The following CAST variants were observed in gnomAD, a reference collection of about 807,000 sequenced individuals.
CAST encodes calpastatin, also known as MIR583 host.
A neutral mutation model predicts 119.6 loss-of-function variants in CAST; 76 were observed. The observed-to-expected ratio is 0.64, with a 90% CI of 0.53 to 0.77. The LOEUF (loss-of-function observed/expected upper bound fraction) is 0.77. CAST is among the 30% of genes least tolerant of loss of function. The probability of loss-of-function intolerance (pLI) is 0.00; values close to 1 mark genes in which losing one functional copy is unlikely to be tolerated. For synonymous variants in CAST, 319 were observed against 331.6 expected, an observed-to-expected ratio of 0.96 and a Z score of 0.41; for missense variants, 953 against 946.5, an observed-to-expected ratio of 1.01 and a Z score of -0.09.
At chr5:96,299,111 G>A in the CAST span, among the ~76,000 whole-genome samples, 1 of 151,934 alleles carries the variant, frequency 6.6e-6, no homozygotes, top group African/African-American at 2.4e-5. Context: ...TGGGCGTGGT[G>A]GTGGGCACCT....
chr5:96,150,419 T>G, the CAST span, among the ~76,000 whole-genome samples: 4 of 152,164 alleles, frequency 2.6e-5, no homozygotes, highest in African/African-American at 7.2e-5. Flanking sequence ...TTCCCCTCAC[T>G]GCAGGGAGGA....
At chr5:96,209,597 A>G in the CAST span, among the ~76,000 whole-genome samples, 1 of 151,866 alleles carries the variant, frequency 6.6e-6, no homozygotes, top group Non-Finnish European at 1.5e-5. Context: ...TGGATATGAA[A>G]TTTTTTATTG....
At chr5:96,228,868 T>C in the CAST span, among the ~76,000 whole-genome samples, 1 of 152,152 alleles carries the variant, frequency 6.6e-6, no homozygotes, top group African/African-American at 2.4e-5. Context: ...TAAAGAGTAA[T>C]AATAAAATAT....
At chr5:96,003,263 G>A in the CAST span, among the ~76,000 whole-genome samples, 2 of 150,970 alleles carry the variant, frequency 1.3e-5, no homozygotes, top group Non-Finnish European at 3.0e-5. Flanking sequence ...ATTTTGACCA[G>A]GTGCGGTGGC....
chr5:96,068,593 ATGTG>A, the CAST span, among the ~76,000 whole-genome samples: 5,257 of 142,204 alleles, frequency 0.037, 170 homozygotes, highest in East Asian at 0.14. Flanking sequence ...CAATAGGATT[ATGTG>A]TGTGTGTGTG....
chr5:95,961,900 C>T, the CAST span: 14 of 758,972 alleles, frequency 1.8e-5, no homozygotes, highest in South Asian at 1.4e-4. Context: ...GCCCCACCCT[C>T]CGGCCCCGCG....
chr5:96,593,283 C>T (rs1337593142), intron 1 of CAST, among the ~76,000 whole-genome samples: 2 of 152,196 alleles, frequency 1.3e-5, no homozygotes, highest in Non-Finnish European at 2.9e-5. Context: ...CCAGCGTCAC[C>T]TCCTGTAGAA....
At chr5:96,039,355 T>C in the CAST span, among the ~76,000 whole-genome samples, 13 of 152,240 alleles carry the variant, frequency 8.5e-5, no homozygotes, top group South Asian at 2.1e-4. Flanking sequence ...TTTCTTTTGC[T>C]ATGCAGAAGC....
At chr5:96,155,070 G>T in the CAST span, among the ~76,000 whole-genome samples, 1 of 152,076 alleles carries the variant, frequency 6.6e-6, no homozygotes, top group Non-Finnish European at 1.5e-5. Context: ...CAAGGGTCAG[G>T]TTTTGCTGCC....
chr5:96,757,337 G>A, intron 22 of CAST, 107 bp from the exon 23 acceptor site: 2 of 994,752 alleles, frequency 2.0e-6, no homozygotes, highest in Non-Finnish European at 1.6e-6. Context: ...AATTTAAAAT[G>A]TACAACAGCA....
intron 1 of CAST, among the ~76,000 whole-genome samples, chr5:96,552,376 C>T (rs889175171): frequency 6.6e-6 from 1 of 152,106 alleles, no homozygotes; most frequent in African/African-American, 2.4e-5. Context: ...CCAATGAGAA[C>T]AAAGATACAA....
At chr5:96,315,428 A>T in the CAST span, among the ~76,000 whole-genome samples, 4 of 152,230 alleles carry the variant, frequency 2.6e-5, no homozygotes, top group South Asian at 2.1e-4. Context: ...TATAGTGAAC[A>T]ATGTGAGGCC....
At chr5:96,483,079 A>T in the CAST span, among the ~76,000 whole-genome samples, 2 of 152,200 alleles carry the variant, frequency 1.3e-5, no homozygotes, top group African/African-American at 4.8e-5. Flanking sequence ...TTTAATAACA[A>T]GTAGAAGAAA....
In CAST at chr5:96,773,648, G is replaced by C. The variant is rs1773243135; in HGVS notation, c.*1032G>C. ...AAACCTGCATTTCTCCCACAGCAAT[G>C]TAAGAAGTAGGCTCTGATGTCCTAC... is the stretch of plus-strand genomic sequence containing the variant. On this transcript the variant is annotated 3_prime_UTR_variant, in exon 32 of 32. Coordinates refer to ENST00000675179, the MANE Select transcript of CAST (RefSeq NM_001750.7). The C allele has an allele frequency of 6.6e-6, 1 of 152,102 alleles. No homozygotes were observed. Among genetic ancestry groups the C allele is most frequent in the Non-Finnish European group, 1.5e-5 (1 of 68,018 alleles). 9.4% of individuals were successfully genotyped at this position (152,102 alleles called of 1,614,324 possible).
the CAST span, among the ~76,000 whole-genome samples, chr5:96,084,419 G>T: frequency 6.6e-6 from 1 of 152,190 alleles, no homozygotes; most frequent in African/African-American, 2.4e-5. Flanking sequence ...TGTGGAGTGG[G>T]TTAGTAGAGA....
At chr5:96,034,521 A>G in the CAST span, among the ~76,000 whole-genome samples, 4 of 117,036 alleles carry the variant, frequency 3.4e-5, no homozygotes, top group Non-Finnish European at 7.7e-5. Flanking sequence ...GTGTGTGTGT[A>G]TGCATCCATT....
At chr5:96,248,483 A>G in the CAST span, among the ~76,000 whole-genome samples, 2 of 152,354 alleles carry the variant, frequency 1.3e-5, no homozygotes, top group African/African-American at 4.8e-5. Flanking sequence ...TAGCATTACT[A>G]ATCAGCTTGA....
intron 1 of CAST, among the ~76,000 whole-genome samples, chr5:96,667,051 C>T (rs964047163): frequency 7.2e-5 from 11 of 151,758 alleles, no homozygotes; most frequent in South Asian, 2.1e-4. Context: ...ACCATAAAGG[C>T]GGGGGGCAGG....
chr5:96,762,410 G>C (rs551565471), intron 25 of CAST, 38 bp downstream of exon 25: 1 of 1,443,020 alleles, frequency 6.9e-7, no homozygotes, highest in South Asian at 1.3e-5. Flanking sequence ...AAATGTTTTT[G>C]CGCAGCCACA....
Sources: allele counts gnomAD v4.1 joint callset (sites outside exome capture counted in the v4.1 genomes callset), GRCh38; gene constraint gnomAD v4.1.1; transcripts MANE v1.5; gene names NCBI Gene and HGNC (gene_info 2026-07-23, HGNC 2026-07-21).